Variants in ITPR2 observed in about 807,000 individuals in gnomAD.
ITPR2 encodes inositol 1,4,5-trisphosphate receptor type 2.
In ITPR2, 207 loss-of-function variants were observed where a neutral mutation model predicts 317.1. That is an observed-to-expected ratio of 0.65 (90% CI 0.58 to 0.73). The LOEUF (loss-of-function observed/expected upper bound fraction) is 0.73. ITPR2 is among the 30% of genes least tolerant of loss of function. The pLI is 0.00. For missense variants in ITPR2, 2,613 were observed against 3,284.0 expected, an observed-to-expected ratio of 0.80 and a Z score of 4.99; for synonymous variants, 1,156 against 1,149.1, an observed-to-expected ratio of 1.01 and a Z score of -0.12.
At chr12:26,573,614 G>C (rs2137059791) in intron 34 of ITPR2, among the ~76,000 whole-genome samples, 1 of 152,304 alleles carries the variant, frequency 6.6e-6, no homozygotes, top group South Asian at 2.1e-4. Context: ...ACTTCACTGA[G>C]CCCTTATATT....
At chr12:26,405,994 G>A (rs184697655) in intron 52 of ITPR2, among the ~76,000 whole-genome samples, 1 of 152,044 alleles carries the variant, frequency 6.6e-6, no homozygotes, top group Non-Finnish European at 1.5e-5. Context: ...CCTCTTGCCT[G>A]TCAGTCTTAA....
chr12:26,712,840 T>G (rs1948673195), intron 8 of ITPR2, among the ~76,000 whole-genome samples: 1 of 152,172 alleles, frequency 6.6e-6, no homozygotes, highest in South Asian at 2.1e-4. Context: ...ATCACAATGA[T>G]TTTGGAGGGA....
chr12:26,409,566 T>C (rs1205465066), intron 52 of ITPR2, among the ~76,000 whole-genome samples: 1 of 152,152 alleles, frequency 6.6e-6, no homozygotes, highest in East Asian at 1.9e-4. Flanking sequence ...CCAACTATCT[T>C]AGGCTTACAT....
chr12:26,443,746 A>C, intron 45 of ITPR2, 96 bp from the exon 46 acceptor site: 1 of 839,166 alleles, frequency 1.2e-6, no homozygotes, highest in Non-Finnish European at 2.0e-6. Flanking sequence ...ACATAGCTTC[A>C]GAGTCCTAGG....
chr12:26,499,974 C>T (rs1271258963), intron 37 of ITPR2, among the ~76,000 whole-genome samples: 1 of 152,106 alleles, frequency 6.6e-6, no homozygotes, highest in Non-Finnish European at 1.5e-5. Context: ...AACTCTGGTG[C>T]TAAAAATGAT....
chr12:26,409,381 G>T (rs1414245873), intron 52 of ITPR2, among the ~76,000 whole-genome samples: 1 of 152,202 alleles, frequency 6.6e-6, no homozygotes, highest in Non-Finnish European at 1.5e-5. Context: ...GATGTTAACA[G>T]TTTCTTTAAG....
At chr12:26,797,285 A>T (rs1457046953) in intron 1 of ITPR2, among the ~76,000 whole-genome samples, 1 of 152,220 alleles carries the variant, frequency 6.6e-6, no homozygotes, top group African/African-American at 2.4e-5. Context: ...TGTATAAAAT[A>T]TGTGGCTATC....
intron 22 of ITPR2, among the ~76,000 whole-genome samples, chr12:26,628,700 TC>T (rs1353844113): frequency 6.6e-6 from 1 of 152,216 alleles, no homozygotes; most frequent in Admixed American, 6.5e-5. Flanking sequence ...CTGTCATTGT[TC>T]TCATTCATGG....
chr12:26,475,618 TTTTG>T (rs1439108125), intron 44 of ITPR2, among the ~76,000 whole-genome samples, 200 bp from the exon 45 acceptor site: 2 of 152,104 alleles, frequency 1.3e-5, no homozygotes, highest in African/African-American at 4.8e-5. Context: ...CCTTGGAAAT[TTTTG>T]TTTGATATTT....
chr12:26,740,120 A>G (rs947341596), intron 2 of ITPR2, among the ~76,000 whole-genome samples: 3 of 152,170 alleles, frequency 2.0e-5, no homozygotes, highest in African/African-American at 7.2e-5. Context: ...TAGTGAGATA[A>G]ATTTTTCTTA....
rs751850579 is a variant in ITPR2 at position 26,631,923 on chromosome 12, G to A, written c.2877C>T (p.Thr959=). Residue 959 remains threonine (T), a synonymous_variant, in exon 22 of 57, where the codon ACC becomes ACT. Coordinates refer to ENST00000381340, the MANE Select transcript of ITPR2 (RefSeq NM_002223.4). The part of the protein sequence containing the change: ...SIHPSKQGSP[T]EHEDVTVMDT... ...CCATCACAGTCACATCCTCGTGCTCGGTGGGGCTCCCTTGCTTGCTCGGGT... is the reference window on the plus strand; with the variant it reads ...CCATCACAGTCACATCCTCGTGCTCAGTGGGGCTCCCTTGCTTGCTCGGGT... 1.3e-5 allele frequency: 21 copies of A among 1,613,784 alleles called. No individual in the cohort carries two copies. Among genetic ancestry groups the A allele is most frequent in the South Asian group, 6.6e-5 (6 of 91,066 alleles).
chr12:26,781,989 CCTGTATATATATAT>C (rs1950085838), intron 2 of ITPR2, among the ~76,000 whole-genome samples: 1 of 73,562 alleles, frequency 1.4e-5, no homozygotes, highest in Admixed American at 1.9e-4. Context: ...AATAAACTCC[CCTGTATATATATAT>C]ATATATATAT....
intron 40 of ITPR2, 56 bp from the exon 41 acceptor site, chr12:26,486,416 A>AG: frequency 7.2e-7 from 1 of 1,382,292 alleles, no homozygotes; most frequent in African/African-American, 1.5e-5. Context: ...TACTAATTAA[A>AG]AAAAAAAAAA....
chr12:26,591,556 G>A (rs980822784), intron 32 of ITPR2, among the ~76,000 whole-genome samples: 14 of 152,064 alleles, frequency 9.2e-5, no homozygotes, highest in African/African-American at 2.4e-4. Flanking sequence ...ATAGCCGGGC[G>A]CAGAGGCTCA....
rs117465293 is a variant in ITPR2, at chr12:26,764,374, A to T, written c.163+25783T>A. 7.6e-3 allele frequency among the ~76,000 whole-genome samples: 1,150 copies of T among 152,170 alleles called. 43 individuals carry two copies. Among genetic ancestry groups the T allele is most frequent in the Admixed American group, 0.055 (833 of 15,282 alleles). On this transcript the variant is annotated intron_variant, in intron 2 of 56. Coordinates refer to ENST00000381340, the MANE Select transcript of ITPR2 (RefSeq NM_002223.4). ...AAGCTGGACTTCATGAAATTTAAAA[A>T]CTTCTGTTCTGCAAAAGACAGTGTC...
intron 37 of ITPR2, among the ~76,000 whole-genome samples, chr12:26,525,045 G>C (rs888350903): frequency 2.6e-5 from 4 of 152,154 alleles, no homozygotes; most frequent in Non-Finnish European, 5.9e-5. Flanking sequence ...TTGGTGAGAG[G>C]ATGACACCTA....
intron 1 of ITPR2, among the ~76,000 whole-genome samples, chr12:26,796,634 C>T (rs1157029508): frequency 2.0e-5 from 3 of 152,292 alleles, no homozygotes; most frequent in Middle Eastern, 6.8e-3. Context: ...TACAAACTTG[C>T]ATCTGAAGAC....
chr12:26,463,038 A>T (rs1361309657), intron 45 of ITPR2, among the ~76,000 whole-genome samples: 1 of 152,212 alleles, frequency 6.6e-6, no homozygotes, highest in African/African-American at 2.4e-5. Flanking sequence ...TATTATATGC[A>T]GATACATGCA....
chr12:26,367,779 TG>T (rs1339043959), intron 55 of ITPR2, among the ~76,000 whole-genome samples: 1 of 152,232 alleles, frequency 6.6e-6, no homozygotes, highest in Non-Finnish European at 1.5e-5. Context: ...ATTGTATTCA[TG>T]TGTATTAGCC....
Sources: allele counts gnomAD v4.1 joint callset (sites outside exome capture counted in the v4.1 genomes callset), GRCh38; gene constraint gnomAD v4.1.1; transcripts MANE v1.5; gene names NCBI Gene and HGNC (gene_info 2026-07-23, HGNC 2026-07-21).